Variants in NAT1 observed in about 807,000 individuals in gnomAD.
The protein encoded by NAT1 is arylamine N-acetyltransferase 1.
For missense variants in NAT1, 400 were observed against 339.2 expected (o/e 1.18, Z -1.41); for synonymous variants, 144 against 122.6 (o/e 1.17, Z -1.16).
At chr8:18,208,760 G>A (rs963752256), upstream of NAT1, among the ~76,000 whole-genome samples, 1 of 152,214 alleles carries the variant, frequency 6.6e-6, no homozygotes, top group African/African-American at 2.4e-5. Flanking sequence ...AGCCTCCAAG[G>A]CCCTTGATTC....
At chr8:18,218,168 A>G (rs2117398891) in intron 1 of NAT1, among the ~76,000 whole-genome samples, 1 of 152,176 alleles carries the variant, frequency 6.6e-6, no homozygotes, top group East Asian at 1.9e-4. Context: ...TCTCTATTTC[A>G]TATTCCCGGC....
At position 18,180,478 on chromosome 8, in the gene NAT1, G is replaced by T. The variant is rs552771811; in HGVS notation, n.92+9739G>T. 5.8e-4 allele frequency among the ~76,000 whole-genome samples: 89 copies of T among 152,170 alleles called. 1 individual carries two copies. The highest frequency in any genetic ancestry group is 2.1e-3 in the African/African-American group (86 of 41,546). ...CTCCAGTATTTTGTTGAGGATTTTTGAATCTATGTTCATTAGGAATGTTTG... is the reference window on the plus strand; with the variant it reads ...CTCCAGTATTTTGTTGAGGATTTTTTAATCTATGTTCATTAGGAATGTTTG... On this transcript the variant is annotated intron_variant and non_coding_transcript_variant, in intron 2 of 4. Transcript: ENST00000517441.
At chr8:18,191,768 G>A in intron 2 of NAT1, among the ~76,000 whole-genome samples, 2 of 151,856 alleles carry the variant, frequency 1.3e-5, no homozygotes. Context: ...AATGGTGCTG[G>A]GAAAACTGGC....
intron 2 of NAT1, among the ~76,000 whole-genome samples, chr8:18,177,042 C>A (rs1802321420): frequency 6.6e-6 from 1 of 152,014 alleles, no homozygotes; most frequent in Non-Finnish European, 1.5e-5. Context: ...AGAAACACTA[C>A]TGATTTTTGC....
intron 2 of NAT1, among the ~76,000 whole-genome samples, chr8:18,188,896 G>C (rs1248974051): frequency 1.3e-5 from 2 of 148,682 alleles, no homozygotes; most frequent in African/African-American, 4.9e-5. Context: ...TCAGGAGGCT[G>C]AGGCAGGAGA....
At position 18,217,834 on chromosome 8, in the gene NAT1, G is replaced by T. The variant is rs28359507; in HGVS notation, c.-85-1577G>T. Among the ~76,000 whole-genome samples, 1,075 of 152,236 alleles carry T rather than the reference G, an allele frequency of 7.1e-3. 9 individuals carry two copies. Among genetic ancestry groups the T allele is most frequent in the African/African-American group, 0.024 (986 of 41,520 alleles). On this transcript the variant is annotated intron_variant, in intron 1 of 2. Transcript: ENST00000307719. ...TCTTTACAGGGAACATAGGGCTGTT[G>T]CAGGGGCTGGTGCAGGGAATAATGA...
intron 2 of NAT1, among the ~76,000 whole-genome samples, chr8:18,194,713 G>A (rs1365920373): frequency 6.6e-6 from 1 of 151,990 alleles, no homozygotes; most frequent in East Asian, 1.9e-4. Flanking sequence ...CCAGCTACTT[G>A]GGAGGCTGAG....
intron 2 of NAT1, among the ~76,000 whole-genome samples, chr8:18,177,023 T>G (rs993725669): frequency 2.6e-5 from 4 of 152,112 alleles, no homozygotes. Context: ...TAGTTTGTTA[T>G]TAGTGTACAG....
At chr8:18,198,191 C>G (rs1803313151) in intron 2 of NAT1, among the ~76,000 whole-genome samples, 2 of 151,998 alleles carry the variant, frequency 1.3e-5, no homozygotes, top group South Asian at 4.1e-4. Flanking sequence ...TTTCTTCCTC[C>G]AGAATCAGAG....
intron 2 of NAT1, among the ~76,000 whole-genome samples, chr8:18,198,522 A>C (rs1051455876): frequency 3.9e-5 from 6 of 152,220 alleles, no homozygotes; most frequent in Admixed American, 2.0e-4. Flanking sequence ...AGCAATAAAC[A>C]CTATTTCTGA....
At chr8:18,181,159 G>C (rs1802498471) in intron 2 of NAT1, among the ~76,000 whole-genome samples, 1 of 151,832 alleles carries the variant, frequency 6.6e-6, no homozygotes, top group South Asian at 2.1e-4. Flanking sequence ...CATTTTTTGG[G>C]TCCTCTTCAG....
intron 2 of NAT1, among the ~76,000 whole-genome samples, chr8:18,184,339 G>C (rs1461826154): frequency 6.6e-6 from 1 of 152,134 alleles, no homozygotes; most frequent in East Asian, 1.9e-4. Context: ...CCCTGATAGA[G>C]AGCAGCCCAC....
intron 2 of NAT1, among the ~76,000 whole-genome samples, chr8:18,199,004 C>T (rs1803349632): frequency 6.6e-6 from 1 of 151,896 alleles, no homozygotes; most frequent in Non-Finnish European, 1.5e-5. Context: ...TTTTAGTCAA[C>T]TGAAATCTCC....
chr8:18,208,108 C>T (rs935203070), upstream of NAT1, among the ~76,000 whole-genome samples: 2 of 151,714 alleles, frequency 1.3e-5, no homozygotes, highest in Non-Finnish European at 2.9e-5. Context: ...CACACTGGGG[C>T]CCGTTGGGGT....
In NAT1 at chr8:18,222,710, A is replaced by G. The variant is rs1435900906; in HGVS notation, c.663A>G (p.Ser221=). 6 of 1,614,030 alleles carry G rather than the reference A, an allele frequency of 3.7e-6. No homozygotes were observed. Among genetic ancestry groups the G allele is most frequent in the Admixed American group, 3.3e-5 (2 of 59,992 alleles). Residue 221 remains serine, a synonymous_variant, in exon 3 of 3, where the codon TCA becomes TCG. Transcript: ENST00000307719. ...TSPSSVFTSK[S]FCSLQTPDGV... ...CATCATCTGTGTTTACTAGTAAATC[A>G]TTTTGTTCCTTGCAGACCCCAGATG... is the stretch of plus-strand genomic sequence containing the variant.
intron 1 of NAT1, among the ~76,000 whole-genome samples, chr8:18,214,731 C>T (rs1232505945): frequency 1.3e-5 from 2 of 152,034 alleles, no homozygotes; most frequent in East Asian, 3.9e-4. Flanking sequence ...TGTACAGGTT[C>T]GTTATATAGG....
At chr8:18,206,522 A>G (rs953173394), upstream of NAT1, among the ~76,000 whole-genome samples, 1 of 152,240 alleles carries the variant, frequency 6.6e-6, no homozygotes, top group Non-Finnish European at 1.5e-5. Flanking sequence ...TATTGAATAC[A>G]GGACTGTATG....
intron 2 of NAT1, among the ~76,000 whole-genome samples, chr8:18,220,150 T>C (rs1314444926): frequency 1.3e-5 from 2 of 152,170 alleles, no homozygotes; most frequent in African/African-American, 4.8e-5. Flanking sequence ...TTGTTCTCTC[T>C]CTGAGTGGTA....
At chr8:18,172,493 T>C (rs1802135899) in intron 2 of NAT1, among the ~76,000 whole-genome samples, 1 of 152,174 alleles carries the variant, frequency 6.6e-6, no homozygotes. Context: ...TTATTCTCCC[T>C]CATGCAATCC....
Sources: gnomAD v4.1 joint callset for allele counts (sites outside exome capture counted in the v4.1 genomes callset) on GRCh38, gnomAD v4.1.1 for gene constraint, MANE v1.5 for transcripts, NCBI Gene and HGNC (gene_info 2026-07-23, HGNC 2026-07-21) for gene names.